Variants in SKIC8 observed in about 807,000 individuals in gnomAD.
The protein encoded by SKIC8 is SKI8 subunit of superkiller complex, also known as superkiller complex protein 8.
the SKIC8 span, chr15:78,285,282 G>A: frequency 9.3e-6 from 15 of 1,614,004 alleles, no homozygotes; most frequent in African/African-American, 2.7e-5. Context: ...GATCAAAGAA[G>A]GTGTGAACAC....
At chr15:78,289,231 A>G in the SKIC8 span, among the ~76,000 whole-genome samples, 1 of 152,066 alleles carries the variant, frequency 6.6e-6, no homozygotes, top group African/African-American at 2.4e-5. Flanking sequence ...TCTGGGAAAC[A>G]GCAAGACCCC....
the SKIC8 span, chr15:78,288,528 G>C: frequency 1.3e-6 from 1 of 741,446 alleles, no homozygotes; most frequent in South Asian, 1.8e-5. Context: ...TTCTGATTGG[G>C]CCTTTCCTCT....
chr15:78,287,696 G>T, the SKIC8 span, among the ~76,000 whole-genome samples: 1 of 152,186 alleles, frequency 6.6e-6, no homozygotes, highest in Non-Finnish European at 1.5e-5. Flanking sequence ...TGGGGAATAG[G>T]AGTCAGGACT....
the SKIC8 span, chr15:78,299,424 G>C: frequency 6.5e-6 from 1 of 152,704 alleles, no homozygotes. Context: ...GCCACCCTCA[G>C]GCCCCAGGGC....
At chr15:78,295,798 A>G in the SKIC8 span, 109 of 1,304,900 alleles carry the variant, frequency 8.4e-5, no homozygotes, top group Admixed American at 4.4e-4. Context: ...GTTCCCCTTG[A>G]CCAAGAAAAT....
At chr15:78,285,840 A>T in the SKIC8 span, 2 of 488,156 alleles carry the variant, frequency 4.1e-6, no homozygotes, top group Non-Finnish European at 7.4e-6. Context: ...TAAGAGTTTT[A>T]CTGTTTAAAA....
the SKIC8 span, among the ~76,000 whole-genome samples, chr15:78,299,125 T>C: frequency 2.0e-5 from 3 of 152,172 alleles, no homozygotes; most frequent in African/African-American, 7.2e-5. Context: ...GCCCACAGTA[T>C]TGCACGGTAC....
chr15:78,295,053 C>T, the SKIC8 span: 161 of 1,544,720 alleles, frequency 1.0e-4, no homozygotes, highest in Non-Finnish European at 1.3e-4. Flanking sequence ...CACTCCTCCC[C>T]GAGTAGACAG....
chr15:78,288,117 A>G, the SKIC8 span, among the ~76,000 whole-genome samples: 1 of 152,194 alleles, frequency 6.6e-6, no homozygotes, highest in Non-Finnish European at 1.5e-5. Context: ...GCAGCCCTTG[A>G]GGACACACAC....
At chr15:78,290,369 CA>C in the SKIC8 span, among the ~76,000 whole-genome samples, 1 of 152,186 alleles carries the variant, frequency 6.6e-6, no homozygotes, top group African/African-American at 2.4e-5. Context: ...TGTAAAACGG[CA>C]CAGCCACTTT....
At chr15:78,288,167 T>G in the SKIC8 span, 1 of 964,058 alleles carries the variant, frequency 1.0e-6, no homozygotes, top group Non-Finnish European at 1.5e-6. Flanking sequence ...GCCTGGGGAG[T>G]CAAGGTGTCT....
At chr15:78,283,943 C>T in the SKIC8 span, 1 of 155,294 alleles carries the variant, frequency 6.4e-6, no homozygotes, top group South Asian at 2.0e-4. Flanking sequence ...TCAGCTGACC[C>T]CTTGTGTCCG....
the SKIC8 span, chr15:78,293,154 G>C: frequency 1.1e-5 from 17 of 1,610,700 alleles, no homozygotes; most frequent in Non-Finnish European, 1.4e-5. Context: ...TATGTTAGGG[G>C]AGAGGCACTC....
chr15:78,296,290 C>A, the SKIC8 span, among the ~76,000 whole-genome samples: 5 of 152,052 alleles, frequency 3.3e-5, no homozygotes, highest in Admixed American at 3.3e-4. Context: ...CCTGTAATCC[C>A]AGCTACTCAG....
At chr15:78,288,692 A>C in the SKIC8 span, among the ~76,000 whole-genome samples, 1 of 152,222 alleles carries the variant, frequency 6.6e-6, no homozygotes, top group Non-Finnish European at 1.5e-5. Context: ...CTGATTTGTA[A>C]GGTTGAACAA....
the SKIC8 span, chr15:78,293,478 T>C: frequency 4.0e-6 from 2 of 503,052 alleles, no homozygotes; most frequent in South Asian, 5.1e-5. Context: ...AAATCTCATG[T>C]TTACCAGGCG....
chr15:78,283,429 T>G, the SKIC8 span: 15 of 1,611,334 alleles, frequency 9.3e-6, no homozygotes, highest in Non-Finnish European at 1.3e-5. Context: ...GAGACTTTGA[T>G]GTTTAAATTG....
chr15:78,283,469 T>A, the SKIC8 span: 1 of 1,613,904 alleles, frequency 6.2e-7, no homozygotes, highest in Non-Finnish European at 8.5e-7. Context: ...TTCCTGGTCA[T>A]CTCCAACAGA....
At chr15:78,293,465 C>T in the SKIC8 span, 1 of 528,570 alleles carries the variant, frequency 1.9e-6, no homozygotes, top group South Asian at 2.5e-5. Flanking sequence ...AGCTACTTGC[C>T]CTAAATCTCA....
Sources: gnomAD v4.1 joint callset for allele counts (sites outside exome capture counted in the v4.1 genomes callset) on GRCh38, gnomAD v4.1.1 for gene constraint, MANE v1.5 for transcripts, NCBI Gene and HGNC (gene_info 2026-07-23, HGNC 2026-07-21) for gene names.